The following ETNK1 variants were observed in gnomAD, a reference collection of about 807,000 sequenced individuals.
ETNK1 encodes the protein putative protein product of Nbla10396.
Under a neutral mutation model 45.1 loss-of-function variants are expected in ETNK1, and 8 were observed. The ratio of observed to expected loss-of-function variants is 0.18; its 90% CI spans 0.10 to 0.32. The LOEUF (loss-of-function observed/expected upper bound fraction) is 0.32, where lower values mean the gene tolerates loss of function less well. Among genes scored for constraint, ETNK1 ranks in the 10% least tolerant of loss-of-function variants. The pLI is 1.00. For missense variants in ETNK1, 302 were observed against 430.6 expected (o/e 0.70, Z 2.64); for synonymous variants, 152 against 151.9 (o/e 1.00, Z -0.01).
chr12:22,667,777 G>C (rs1382582897), intron 4 of ETNK1, among the ~76,000 whole-genome samples: 1 of 152,084 alleles, frequency 6.6e-6, no homozygotes, highest in African/African-American at 2.4e-5. Context: ...CAAAATAAAG[G>C]AATTCAGACA....
At chr12:22,656,731 C>A (rs1953946259) in intron 2 of ETNK1, 1 of 983,740 alleles carries the variant, frequency 1.0e-6, no homozygotes. Flanking sequence ...ATCAGGGTCT[C>A]TTATAAACCC....
chr12:22,687,409 A>T lies in ETNK1; in HGVS notation c.*2455A>T, dbSNP rs1260941839. 6.6e-6 allele frequency: 1 copy of T among 152,328 alleles called. No homozygotes were observed. The highest frequency in any genetic ancestry group is 2.1e-4 in the South Asian group (1 of 4,832). The allele number at this position is 152,328 out of a possible 1,614,324, so 9.4% of individuals were successfully genotyped here. On this transcript the variant is annotated 3_prime_UTR_variant, in exon 8 of 8. Coordinates refer to ENST00000266517, the MANE Select transcript of ETNK1 (RefSeq NM_018638.5). ...AAGGAACTTGAATGCCTTACCTAAT[A>T]ACTCAACTAGTAGTAAGCTCATTTT...
intron 1 of ETNK1, among the ~76,000 whole-genome samples, chr12:22,630,901 G>A (rs553840333): frequency 2.0e-5 from 3 of 152,076 alleles, no homozygotes; most frequent in African/African-American, 7.2e-5. Context: ...ATGAGCCACC[G>A]CACCTGGCCT....
At chr12:22,663,546 T>A (rs1313835149) in intron 4 of ETNK1, among the ~76,000 whole-genome samples, 1 of 150,770 alleles carries the variant, frequency 6.6e-6, no homozygotes, top group Non-Finnish European at 1.5e-5. Context: ...TTCACTTTTT[T>A]ATTTAAGTGG....
intron 1 of ETNK1, among the ~76,000 whole-genome samples, chr12:22,633,181 T>C (rs1370034815): frequency 6.6e-6 from 1 of 152,194 alleles, no homozygotes; most frequent in African/African-American, 2.4e-5. Context: ...TCCCGGTTTA[T>C]ATTCCTAACA....
chr12:22,676,988 G>T (rs1265025116), intron 6 of ETNK1, among the ~76,000 whole-genome samples: 1 of 151,904 alleles, frequency 6.6e-6, no homozygotes. Flanking sequence ...AGTTTCTTTT[G>T]CTGTGCAGAA....
intron 2 of ETNK1, among the ~76,000 whole-genome samples, chr12:22,646,112 CATT>C (rs1293820944): frequency 6.6e-6 from 1 of 151,798 alleles, no homozygotes; most frequent in Non-Finnish European, 1.5e-5. Context: ...TGTTAGTTGG[CATT>C]ATGAATAGTA....
At chr12:22,627,699 G>A (rs1210352619) in intron 1 of ETNK1, among the ~76,000 whole-genome samples, 2 of 151,976 alleles carry the variant, frequency 1.3e-5, no homozygotes, top group Non-Finnish European at 2.9e-5. Flanking sequence ...TTATATAGTC[G>A]ACAGAGTATA....
rs141517752 is a variant in ETNK1, at chr12:22,633,120, A to G, written c.156+7534A>G. On this transcript the variant is annotated intron_variant, in intron 1 of 7. Transcript: ENST00000266517. The stretch of plus-strand genomic sequence containing the variant: ...TAGAAGTAGAATTTCTGAGTCATCT[A>G]GTTGTGTATTTTCAGCTTTGTTAGA... Among the ~76,000 whole-genome samples, 1,254 of 152,220 alleles carry G rather than the reference A, an allele frequency of 8.2e-3. 16 individuals carry two copies. Among genetic ancestry groups the G allele is most frequent in the African/African-American group, 0.029 (1,199 of 41,528 alleles).
intron 4 of ETNK1, 33 bp downstream of exon 4, chr12:22,661,238 G>A: frequency 6.4e-7 from 1 of 1,554,454 alleles, no homozygotes; most frequent in Non-Finnish European, 8.7e-7. Context: ...AAGTAAAATT[G>A]ATTTCTTTTA....
intron 2 of ETNK1, 120 bp downstream of exon 2, chr12:22,644,142 T>C: frequency 6.7e-7 from 1 of 1,502,298 alleles, no homozygotes. Flanking sequence ...AAACTTTCTT[T>C]AGCTAGGGTT....
At chr12:22,629,603 G>T (rs949632646) in intron 1 of ETNK1, among the ~76,000 whole-genome samples, 28 of 152,180 alleles carry the variant, frequency 1.8e-4, no homozygotes, top group African/African-American at 6.7e-4. Flanking sequence ...GCTGTGTTAA[G>T]TTATGTCTCC....
chr12:22,688,534 T>A lies in ETNK1; in HGVS notation c.*3580T>A, dbSNP rs1053574706. On this transcript the variant is annotated 3_prime_UTR_variant, in exon 8 of 8. Transcript: ENST00000266517. ...CGAATTTCTGTCTTCATAATATAAG[T>A]GAAAATACTGTCATTTCAATTTTCT... 1.8e-4 allele frequency: 27 copies of A among 152,434 alleles called. No homozygotes were observed. Among genetic ancestry groups the A allele is most frequent in the African/African-American group, 6.5e-4 (27 of 41,550 alleles). The allele number at this position is 152,434 out of a possible 1,614,324, so 9.4% of individuals were successfully genotyped here.
At chr12:22,625,931 C>T (rs1227089107) in intron 1 of ETNK1, 1 of 553,450 alleles carries the variant, frequency 1.8e-6, no homozygotes, top group East Asian at 4.3e-5. Flanking sequence ...TCCCCTTGCA[C>T]GGGGTCCTCG....
intron 1 of ETNK1, among the ~76,000 whole-genome samples, chr12:22,639,251 C>T (rs1339380735): frequency 6.8e-6 from 1 of 148,134 alleles, no homozygotes; most frequent in Non-Finnish European, 1.5e-5. Flanking sequence ...TGGGGTTTTA[C>T]CACGTTGGCC....
At chr12:22,637,858 A>G (rs959099227) in intron 1 of ETNK1, among the ~76,000 whole-genome samples, 1 of 141,272 alleles carries the variant, frequency 7.1e-6, no homozygotes, top group Non-Finnish European at 1.7e-5. Flanking sequence ...GAGAAGTGAC[A>G]GAGCGAGAGA....
Position 22,661,204 on chromosome 12 carries a change from A to T in ETNK1, c.699A>T (p.Gln233His), listed in dbSNP as rs1953995946. 6.2e-7 allele frequency: 1 copy of T among 1,600,878 alleles called. No individual in the cohort carries two copies. Among genetic ancestry groups the T allele is most frequent in the Admixed American group, 1.8e-5 (1 of 55,634 alleles). The change falls in exon 4 of 8, where the codon CAA (glutamine) becomes CAT (histidine). Residue 233 changes from glutamine to histidine, a missense_variant and splice_region_variant. Coordinates refer to ENST00000266517, the MANE Select transcript of ETNK1 (RefSeq NM_018638.5). ...AGAATATAATCTACAATGAGAAACA[A>T]GGTAGGTATTTGACCTTAGCAGTAA... ...LCKNIIYNEK[Q>H]GDVQFIDYEY...
chr12:22,673,324 A>G (rs959749700), intron 5 of ETNK1, among the ~76,000 whole-genome samples, 176 bp from the exon 6 acceptor site: 1 of 152,240 alleles, frequency 6.6e-6, no homozygotes, highest in South Asian at 2.1e-4. Context: ...GTTTAAGCTG[A>G]AATACAGAAT....
intron 1 of ETNK1, among the ~76,000 whole-genome samples, chr12:22,636,900 C>A (rs1430673511): frequency 6.6e-6 from 1 of 151,954 alleles, no homozygotes; most frequent in African/African-American, 2.4e-5. Context: ...ATAATATGAA[C>A]AAAAAAATTT....
Sources: gnomAD v4.1 joint callset for allele counts (sites outside exome capture counted in the v4.1 genomes callset) on GRCh38, gnomAD v4.1.1 for gene constraint, MANE v1.5 for transcripts, NCBI Gene and HGNC (gene_info 2026-07-23, HGNC 2026-07-21) for gene names.